The following OCA2 variants were observed in gnomAD, a reference collection of about 807,000 sequenced individuals.
OCA2 encodes the protein P protein.
OCA2 carries 77 observed loss-of-function variants against 100.2 expected under a neutral mutation model. That is an observed-to-expected ratio of 0.77 (90% CI 0.64 to 0.93). OCA2 has a LOEUF of 0.93. Among genes scored for constraint, OCA2 ranks in the 40% least tolerant of loss-of-function variants. OCA2 has a pLI of 0.00. For missense variants in OCA2, 1,062 were observed against 1,089.1 expected (o/e 0.98, Z 0.35); for synonymous variants, 432 against 439.2 (o/e 0.98, Z 0.21).
At chr15:28,026,482 C>T (rs1017098932) in intron 4 of OCA2, among the ~76,000 whole-genome samples, 6 of 152,138 alleles carry the variant, frequency 3.9e-5, no homozygotes, top group African/African-American at 9.7e-5. Context: ...ATTGCACCCA[C>T]GAGGGGGGCT....
chr15:27,829,248 T>C (rs1273341171), intron 23 of OCA2, among the ~76,000 whole-genome samples: 2 of 148,316 alleles, frequency 1.3e-5, no homozygotes, highest in Non-Finnish European at 3.0e-5. Flanking sequence ...AGATGAGAGA[T>C]GATTGATAGA....
chr15:27,895,945 T>G, intron 19 of OCA2: 1 of 682,168 alleles, frequency 1.5e-6, no homozygotes, highest in East Asian at 2.6e-5. Context: ...CATATGCATG[T>G]GAACTACGAA....
At chr15:28,096,118 C>A (rs2044976182) in intron 1 of OCA2, among the ~76,000 whole-genome samples, 1 of 151,650 alleles carries the variant, frequency 6.6e-6, no homozygotes, top group Admixed American at 6.6e-5. Flanking sequence ...GGGGGCGTAG[C>A]TTGTCTCCGG....
intron 11 of OCA2, among the ~76,000 whole-genome samples, chr15:27,986,880 T>C (rs1028570121): frequency 2.0e-5 from 3 of 152,194 alleles, no homozygotes; most frequent in Non-Finnish European, 4.4e-5. Flanking sequence ...GGATTTGTCC[T>C]CAAGGCACAT....
the OCA2 span, among the ~76,000 whole-genome samples, chr15:27,720,052 C>A: frequency 6.6e-6 from 1 of 152,156 alleles, no homozygotes; most frequent in South Asian, 2.1e-4. Flanking sequence ...CCAGAATCAA[C>A]CAACAAAAAG....
At chr15:28,049,961 T>C (rs1366112098) in intron 2 of OCA2, among the ~76,000 whole-genome samples, 3 of 152,192 alleles carry the variant, frequency 2.0e-5, no homozygotes, top group Non-Finnish European at 2.9e-5. Context: ...TTATATGATA[T>C]ATATTTTTTC....
At chr15:27,829,195 G>T (rs569608963) in intron 23 of OCA2, among the ~76,000 whole-genome samples, 1 of 152,154 alleles carries the variant, frequency 6.6e-6, no homozygotes, top group Non-Finnish European at 1.5e-5. Context: ...CTGATGGATA[G>T]ATGCTAAATG....
rs762492271 is a variant in OCA2 at position 28,018,585 on chromosome 15, G to A, written c.647-28C>T. On this transcript the variant is annotated intron_variant, in intron 6 of 23. Transcript: ENST00000354638. ...CGGAGAGTGTCAAGGAGAACCACAA[G>A]GCAGACAGGAGAAACCCCATGTCCC... 5.0e-6 allele frequency: 8 copies of A among 1,608,154 alleles called. No individual in the cohort carries two copies. The Admixed American group carries it at 1.2e-4, about 24-fold the overall frequency.
chr15:27,924,924 A>G (rs575170312), intron 19 of OCA2, among the ~76,000 whole-genome samples: 1 of 152,324 alleles, frequency 6.6e-6, no homozygotes, highest in African/African-American at 2.4e-5. Flanking sequence ...AACAGTAAAC[A>G]AAAGTGGGCT....
At chr15:27,841,932 C>T (rs2035357298) in intron 23 of OCA2, among the ~76,000 whole-genome samples, 1 of 152,236 alleles carries the variant, frequency 6.6e-6, no homozygotes, top group Admixed American at 6.5e-5. Context: ...TGGAGAGCAA[C>T]ATTTCTGGAT....
chr15:27,980,643 T>C (rs1180581674), intron 14 of OCA2, among the ~76,000 whole-genome samples: 1 of 152,208 alleles, frequency 6.6e-6, no homozygotes, highest in African/African-American at 2.4e-5. Flanking sequence ...AAAAAGATTT[T>C]CACCGGGTGT....
At chr15:27,770,845 C>CATT (rs2031718357) in intron 23 of OCA2, among the ~76,000 whole-genome samples, 1 of 104,972 alleles carries the variant, frequency 9.5e-6, no homozygotes, top group African/African-American at 6.2e-5. Flanking sequence ...TCCCTCTTTT[C>CATT]CTTCCTTCCT....
At chr15:28,094,472 C>A (rs1428261034) in intron 1 of OCA2, among the ~76,000 whole-genome samples, 1 of 152,172 alleles carries the variant, frequency 6.6e-6, no homozygotes, top group Non-Finnish European at 1.5e-5. Context: ...AGGTCCTCCC[C>A]GCGATGGCGC....
At chr15:27,932,117 G>C (rs1354669247) in intron 18 of OCA2, among the ~76,000 whole-genome samples, 1 of 152,180 alleles carries the variant, frequency 6.6e-6, no homozygotes, top group East Asian at 1.9e-4. Flanking sequence ...AACCACTGGA[G>C]AGCACCCAGA....
intron 23 of OCA2, among the ~76,000 whole-genome samples, chr15:27,773,185 CCAG>C (rs2031992229): frequency 6.6e-6 from 1 of 152,086 alleles, no homozygotes; most frequent in South Asian, 2.1e-4. Flanking sequence ...AAAGTAGAAT[CCAG>C]TTAGAAATTT....
intron 15 of OCA2, among the ~76,000 whole-genome samples, chr15:27,962,398 T>C (rs1212666258): frequency 6.6e-6 from 1 of 152,200 alleles, no homozygotes; most frequent in Non-Finnish European, 1.5e-5. Context: ...CTTCTGATGG[T>C]ATTACTTAGA....
At chr15:27,928,672 G>A (rs929764959) in intron 18 of OCA2, among the ~76,000 whole-genome samples, 19 of 152,302 alleles carry the variant, frequency 1.2e-4, no homozygotes, top group Admixed American at 1.2e-3. Flanking sequence ...GCTGTGCTGA[G>A]CTTCCAGAGG....
chr15:27,861,747 T>C (rs1043140743), intron 21 of OCA2, among the ~76,000 whole-genome samples: 5 of 151,964 alleles, frequency 3.3e-5, no homozygotes, highest in Admixed American at 2.6e-4. Flanking sequence ...CAAGAAAAAG[T>C]GAAGAAAGTT....
chr15:27,881,209 C>G (rs185817842), intron 19 of OCA2, among the ~76,000 whole-genome samples: 9 of 152,274 alleles, frequency 5.9e-5, no homozygotes, highest in Admixed American at 2.6e-4. Flanking sequence ...AAGGACGAAG[C>G]CGACTTGATC....
Sources: gnomAD v4.1 joint callset for allele counts (sites outside exome capture counted in the v4.1 genomes callset) on GRCh38, gnomAD v4.1.1 for gene constraint, MANE v1.5 for transcripts, NCBI Gene and HGNC (gene_info 2026-07-23, HGNC 2026-07-21) for gene names.